The following PCDHAC2 variants were observed in gnomAD, a reference collection of about 807,000 sequenced individuals.
The protein encoded by PCDHAC2 is protocadherin alpha-C2.
A neutral mutation model predicts 63.3 loss-of-function variants in PCDHAC2; 24 were observed. The ratio of observed to expected loss-of-function variants is 0.38; its 90% CI spans 0.27 to 0.53. The LOEUF is 0.53. Among genes scored for constraint, PCDHAC2 ranks in the 20% least tolerant of loss-of-function variants. The pLI is 0.81. For missense variants in PCDHAC2, 1,181 were observed against 1,275.2 expected, an observed-to-expected ratio of 0.93 and a Z score of 1.12; for synonymous variants, 569 against 529.4, an observed-to-expected ratio of 1.07 and a Z score of -1.03.
intron 3 of PCDHAC2, among the ~76,000 whole-genome samples, chr5:141,006,716 C>T (rs904868679): frequency 2.0e-5 from 3 of 151,786 alleles, no homozygotes; most frequent in Non-Finnish European, 2.9e-5. Flanking sequence ...ATTTAGGAGG[C>T]AGAAATGACA....
At chr5:140,992,862 G>A (rs2097531583) in intron 3 of PCDHAC2, among the ~76,000 whole-genome samples, 2 of 152,084 alleles carry the variant, frequency 1.3e-5, no homozygotes, top group Non-Finnish European at 2.9e-5. Context: ...TTTCACTCTA[G>A]CTCCCTCCTT....
intron 3 of PCDHAC2, among the ~76,000 whole-genome samples, chr5:141,004,079 A>G (rs1192943756): frequency 1.3e-5 from 2 of 152,210 alleles, no homozygotes; most frequent in Non-Finnish European, 2.9e-5. Context: ...TTAGGGGTAG[A>G]AATGTGCTTC....
At chr5:141,002,733 G>T (rs556024108) in intron 3 of PCDHAC2, among the ~76,000 whole-genome samples, 1 of 152,314 alleles carries the variant, frequency 6.6e-6, no homozygotes, top group Admixed American at 6.5e-5. Context: ...CACAGTAAAT[G>T]TTAACTACAT....
chr5:140,968,871 C>A lies in PCDHAC2; in HGVS notation c.2105C>A (p.Ser702Tyr), dbSNP rs782670653. 11 of 1,614,218 alleles carry A rather than the reference C, an allele frequency of 6.8e-6. No individual in the cohort carries two copies. In the South Asian group the frequency reaches 1.2e-4, roughly 18 times the overall value. Residue 702 changes from serine (S) to tyrosine (Y), a missense_variant, in exon 1 of 4, where the codon TCT (serine) becomes TAT (tyrosine). By Grantham distance (144) the Ser-to-Tyr change is moderately radical (BLOSUM62 -2). Around this residue, in one of 3 missense-constraint regions of PCDHAC2, gnomAD observed 968 missense variants for 1,073.5 expected, o/e 0.90. Coordinates refer to ENST00000289269, the MANE Select transcript of PCDHAC2 (RefSeq NM_018899.6). ...QRHVKSPRTY[S>Y]EITLYLIIAL... ...CATGTTAAGAGCCCTCGGACATACT[C>A]TGAAATTACCCTTTATCTAATAATA...
intron 2 of PCDHAC2, among the ~76,000 whole-genome samples, chr5:140,982,130 G>A (rs1298475758): frequency 6.6e-6 from 1 of 152,228 alleles, no homozygotes; most frequent in African/African-American, 2.4e-5. Context: ...TTGAGAACAA[G>A]CCCTCCTCAT....
intron 3 of PCDHAC2, among the ~76,000 whole-genome samples, chr5:141,001,540 G>A (rs1318714170): frequency 6.6e-6 from 1 of 152,174 alleles, no homozygotes; most frequent in African/African-American, 2.4e-5. Flanking sequence ...TCCTGGACAG[G>A]ATTTGGGTTT....
intron 3 of PCDHAC2, among the ~76,000 whole-genome samples, chr5:141,000,775 C>G (rs919489031): frequency 5.3e-5 from 8 of 151,752 alleles, no homozygotes; most frequent in African/African-American, 1.9e-4. Context: ...GGCATAGTGG[C>G]GCACACCTGT....
chr5:141,001,518 C>G (rs573560944), intron 3 of PCDHAC2, among the ~76,000 whole-genome samples: 2 of 152,272 alleles, frequency 1.3e-5, no homozygotes, highest in East Asian at 1.9e-4. Context: ...AGCTTTCTCC[C>G]TCTCTCTCTG....
chr5:140,989,242 C>T (rs562894633), intron 3 of PCDHAC2, among the ~76,000 whole-genome samples: 5 of 152,226 alleles, frequency 3.3e-5, no homozygotes, highest in African/African-American at 1.2e-4. Flanking sequence ...GTTTTAAGCC[C>T]CTTGTCAAAA....
chr5:140,974,945 A>G (rs2096646889), intron 1 of PCDHAC2, among the ~76,000 whole-genome samples: 1 of 152,180 alleles, frequency 6.6e-6, no homozygotes, highest in African/African-American at 2.4e-5. Flanking sequence ...CCTATTTGTT[A>G]TCTCACAGTC....
chr5:140,989,842 G>A (rs1411244835), intron 3 of PCDHAC2, among the ~76,000 whole-genome samples: 1 of 152,178 alleles, frequency 6.6e-6, no homozygotes, highest in Non-Finnish European at 1.5e-5. Context: ...GTCAATGAGT[G>A]TGTGGACTGG....
intron 1 of PCDHAC2, 78 bp from the exon 2 acceptor site, chr5:140,978,871 T>G: frequency 6.2e-7 from 1 of 1,606,510 alleles, no homozygotes; most frequent in Non-Finnish European, 8.5e-7. Context: ...TTTAAGGGAG[T>G]AACTAATCAA....
At chr5:140,997,118 C>A (rs1319289091) in intron 3 of PCDHAC2, among the ~76,000 whole-genome samples, 24 of 152,088 alleles carry the variant, frequency 1.6e-4, no homozygotes, top group Non-Finnish European at 3.1e-4. Context: ...TGCTCTCCCA[C>A]ATACACAATG....
At chr5:140,992,188 T>C (rs1193005639) in intron 3 of PCDHAC2, among the ~76,000 whole-genome samples, 6 of 152,140 alleles carry the variant, frequency 3.9e-5, no homozygotes, top group African/African-American at 1.4e-4. Flanking sequence ...ATGCTTTCAG[T>C]GATCTATCCA....
chr5:140,991,244 G>A (rs535469323), intron 3 of PCDHAC2, among the ~76,000 whole-genome samples: 2 of 152,278 alleles, frequency 1.3e-5, no homozygotes, highest in South Asian at 4.1e-4. Flanking sequence ...GGTAAAGGCA[G>A]TATTTGAACT....
chr5:140,985,233 G>C (rs1447323173), intron 3 of PCDHAC2, among the ~76,000 whole-genome samples: 4 of 152,084 alleles, frequency 2.6e-5, no homozygotes, highest in Non-Finnish European at 5.9e-5. Flanking sequence ...CACCGCGCCT[G>C]GCCTAATCTT....
At chr5:140,973,068 G>T (rs1563422416) in intron 1 of PCDHAC2, among the ~76,000 whole-genome samples, 1 of 152,140 alleles carries the variant, frequency 6.6e-6, no homozygotes, top group Non-Finnish European at 1.5e-5. Context: ...CAGTGTCTCA[G>T]TGGGCCCAGC....
Position 140,969,340 on chromosome 5 carries a change from G to A in PCDHAC2, c.2565+9G>A, listed in dbSNP as rs1262555926. 6 of 1,613,738 alleles carry A rather than the reference G, an allele frequency of 3.7e-6. No homozygotes were observed. The African/African-American group carries it at 5.3e-5, about 14-fold the overall frequency. On this transcript the variant is annotated intron_variant, in intron 1 of 3. Coordinates refer to ENST00000289269, the MANE Select transcript of PCDHAC2 (RefSeq NM_018899.6). The stretch of plus-strand genomic sequence containing the variant: ...CTGTTTCTCAAAATGAGGTGAGACA[G>A]TGGTCAGGGGGTCTTCTACAAACTC...
intron 1 of PCDHAC2, among the ~76,000 whole-genome samples, chr5:140,973,003 C>T (rs1417207719): frequency 4.0e-5 from 6 of 151,856 alleles, no homozygotes; most frequent in African/African-American, 7.3e-5. Flanking sequence ...CATTTGTGGT[C>T]GTGGTGTTGT....
Sources: gnomAD v4.1 joint callset for allele counts (sites outside exome capture counted in the v4.1 genomes callset) on GRCh38, gnomAD v4.1.1 for gene constraint, gnomAD v4.1.1 regional missense constraint, MANE v1.5 for transcripts, NCBI Gene and HGNC (gene_info 2026-07-23, HGNC 2026-07-21) for gene names.